GRIK2: variants seen among roughly 807,000 people sequenced by gnomAD.
GRIK2 encodes the protein glutamate receptor ionotropic, kainate 2.
In GRIK2, 32 loss-of-function variants were observed where a neutral mutation model predicts 100.3. The observed-to-expected ratio is 0.32, with a 90% CI of 0.24 to 0.43. The LOEUF (loss-of-function observed/expected upper bound fraction) is 0.43. Among genes scored for constraint, GRIK2 ranks in the 20% least tolerant of loss-of-function variants. The pLI is 1.00. For missense variants in GRIK2, 843 were observed against 1,114.9 expected, an observed-to-expected ratio of 0.76 and a Z score of 3.47; for synonymous variants, 417 against 389.4, an observed-to-expected ratio of 1.07 and a Z score of -0.83.
At chr6:101,725,933 G>A (rs1254147016) in intron 7 of GRIK2, among the ~76,000 whole-genome samples, 2 of 151,884 alleles carry the variant, frequency 1.3e-5, no homozygotes, top group Non-Finnish European at 2.9e-5. Context: ...TAAATTACAT[G>A]ATGATTGCAT....
intron 9 of GRIK2, among the ~76,000 whole-genome samples, chr6:101,811,443 A>C (rs1005698200): frequency 1.3e-5 from 2 of 152,054 alleles, no homozygotes; most frequent in African/African-American, 4.8e-5. Flanking sequence ...AGTCAATGCC[A>C]GTAAGAAAGT....
At chr6:101,765,951 C>G (rs1456811117) in intron 7 of GRIK2, among the ~76,000 whole-genome samples, 1 of 151,992 alleles carries the variant, frequency 6.6e-6, no homozygotes, top group Non-Finnish European at 1.5e-5. Context: ...TATTGTATCA[C>G]AAAGCCTAAA....
At chr6:101,975,809 G>GTCTATCTATCTATCTATCTATCTATCTA (rs71028093) in intron 14 of GRIK2, among the ~76,000 whole-genome samples, 99 of 147,512 alleles carry the variant, frequency 6.7e-4, no homozygotes, top group East Asian at 3.5e-3. Context: ...CTATCTATCT[G>GTCTATCTATCTATCTATCTATCTATCTA]TCTATCTATC....
At chr6:101,481,206 T>A (rs1206005706) in intron 2 of GRIK2, among the ~76,000 whole-genome samples, 2 of 152,172 alleles carry the variant, frequency 1.3e-5, no homozygotes, top group African/African-American at 4.8e-5. Context: ...AAGCTAATAG[T>A]ATTATTTTTG....
intron 7 of GRIK2, among the ~76,000 whole-genome samples, chr6:101,760,721 TTTAA>T (rs1168987708): frequency 2.0e-5 from 2 of 101,812 alleles, no homozygotes; most frequent in African/African-American, 4.8e-5. Flanking sequence ...TTTAATTATA[TTTAA>T]TTATATAATT....
chr6:101,690,803 AC>A (rs991789578), intron 7 of GRIK2, among the ~76,000 whole-genome samples: 2 of 151,734 alleles, frequency 1.3e-5, no homozygotes, highest in African/African-American at 4.8e-5. Flanking sequence ...TAAACCACTT[AC>A]CTTTTTTTGA....
intron 4 of GRIK2, among the ~76,000 whole-genome samples, chr6:101,648,996 G>C (rs1781660031): frequency 6.6e-6 from 1 of 152,094 alleles, no homozygotes; most frequent in Non-Finnish European, 1.5e-5. Context: ...CACAAGAACA[G>C]TATGGGGGAA....
At chr6:101,582,443 G>A (rs1778147304) in intron 2 of GRIK2, among the ~76,000 whole-genome samples, 1 of 152,066 alleles carries the variant, frequency 6.6e-6, no homozygotes, top group African/African-American at 2.4e-5. Context: ...CCCTTCGCTT[G>A]GCTCTCATTC....
chr6:101,443,964 A>G (rs1262576684), intron 2 of GRIK2, among the ~76,000 whole-genome samples: 5 of 151,744 alleles, frequency 3.3e-5, no homozygotes, highest in Non-Finnish European at 7.4e-5. Context: ...GACTCACTGT[A>G]GCCTCTACCT....
chr6:101,420,382 C>T (rs1264298408), intron 2 of GRIK2, among the ~76,000 whole-genome samples: 1 of 152,140 alleles, frequency 6.6e-6, no homozygotes, highest in African/African-American at 2.4e-5. Flanking sequence ...AATATTAACT[C>T]ATAAACATAT....
chr6:101,769,195 T>C (rs1778244724), intron 7 of GRIK2, among the ~76,000 whole-genome samples: 2 of 152,270 alleles, frequency 1.3e-5, no homozygotes, highest in South Asian at 4.1e-4. Flanking sequence ...TGTACTGTTT[T>C]CCTTGGAAAA....
rs73761459 is a variant in GRIK2, at chr6:101,877,514, T to C, written c.1525-12126T>C. Among the ~76,000 whole-genome samples, 313 of 152,044 alleles carry C rather than the reference T, an allele frequency of 2.1e-3. 1 individual carries two copies. Among genetic ancestry groups the C allele is most frequent in the African/African-American group, 7.4e-3 (306 of 41,530 alleles). The stretch of plus-strand genomic sequence containing the variant: ...TATAAAGGATTTGAGCACCGATGAA[T>C]TTTGGTATTCGACAGGGGCCCTGAA... On this transcript the variant is annotated intron_variant, in intron 11 of 16. Coordinates refer to ENST00000369134, the MANE Select transcript of GRIK2 (RefSeq NM_021956.5).
chr6:101,420,714 G>A (rs1006286042), intron 2 of GRIK2, among the ~76,000 whole-genome samples: 4 of 152,144 alleles, frequency 2.6e-5, no homozygotes, highest in African/African-American at 9.7e-5. Context: ...GAGCCACTGG[G>A]TTTTCAGGAA....
chr6:101,735,161 A>T (rs7755531), intron 7 of GRIK2, among the ~76,000 whole-genome samples: 3,289 of 152,256 alleles, frequency 0.022, 153 homozygotes, highest in African/African-American at 0.076. Flanking sequence ...CCAGAGGTGT[A>T]GTCTGGGATA....
chr6:101,616,508 T>C (rs1478968678), intron 2 of GRIK2, among the ~76,000 whole-genome samples: 2 of 151,810 alleles, frequency 1.3e-5, no homozygotes, highest in African/African-American at 4.8e-5. Context: ...TGGCTAAATA[T>C]ATAGTATTTT....
At position 101,629,684 on chromosome 6, in the gene GRIK2, T is replaced by A. The variant is rs1192445377; in HGVS notation, c.541+3047T>A. 2.0e-5 allele frequency among the ~76,000 whole-genome samples: 3 copies of A among 152,128 alleles called. 1 individual carries two copies. The highest frequency in any genetic ancestry group is 7.2e-5 in the African/African-American group (3 of 41,434). On this transcript the variant is annotated intron_variant, in intron 4 of 16. Transcript: ENST00000369134. ...AATATATAGTAGACTTTTTGTCTTTTTGTTTATGTGTCAAAGTCTCAAGGT... is the reference window on the plus strand; with the variant it reads ...AATATATAGTAGACTTTTTGTCTTTATGTTTATGTGTCAAAGTCTCAAGGT...
chr6:101,808,900 G>A (rs988165190), intron 9 of GRIK2, among the ~76,000 whole-genome samples: 3 of 151,256 alleles, frequency 2.0e-5, no homozygotes, highest in African/African-American at 7.3e-5. Flanking sequence ...TTTAGTTTGT[G>A]TATCCTTTGG....
chr6:101,547,078 G>A (rs559002838), intron 2 of GRIK2, among the ~76,000 whole-genome samples: 24 of 151,766 alleles, frequency 1.6e-4, no homozygotes, highest in African/African-American at 5.6e-4. Context: ...TGATCCGCCC[G>A]CCTCGGCCTC....
intron 14 of GRIK2, among the ~76,000 whole-genome samples, chr6:102,007,628 C>G (rs1795308704): frequency 6.6e-6 from 1 of 151,924 alleles, no homozygotes; most frequent in Admixed American, 6.6e-5. Flanking sequence ...TGCATTGAAA[C>G]AATGCAATTG....
Sources: gnomAD v4.1 joint callset for allele counts (sites outside exome capture counted in the v4.1 genomes callset) on GRCh38, gnomAD v4.1.1 for gene constraint, MANE v1.5 for transcripts, NCBI Gene and HGNC (gene_info 2026-07-23, HGNC 2026-07-21) for gene names.